The following WASF3 variants were observed in gnomAD, a reference collection of about 807,000 sequenced individuals.
WASF3 encodes the protein WASP family member 3.
Under a neutral mutation model 46.6 loss-of-function variants are expected in WASF3, and 11 were observed. The observed-to-expected ratio is 0.24, with a 90% CI of 0.15 to 0.39. WASF3 has a LOEUF of 0.39. Among genes scored for constraint, WASF3 ranks in the 10% least tolerant of loss-of-function variants. WASF3 has a pLI of 1.00. For synonymous variants in WASF3, 242 were observed against 259.7 expected (o/e 0.93, Z 0.65); for missense variants, 576 against 669.8 (o/e 0.86, Z 1.55).
intron 1 of WASF3, among the ~76,000 whole-genome samples, chr13:26,601,797 A>G (rs1327867286): frequency 1.3e-5 from 2 of 152,200 alleles, no homozygotes; most frequent in African/African-American, 4.8e-5. Flanking sequence ...GAGTTTTGTC[A>G]TTTGGAGACA....
intron 1 of WASF3, among the ~76,000 whole-genome samples, chr13:26,574,403 T>C (rs1212657580): frequency 6.6e-5 from 10 of 152,196 alleles, no homozygotes; most frequent in Non-Finnish European, 1.5e-4. Flanking sequence ...GTATTCTGCA[T>C]TGTGAAATTA....
intron 3 of WASF3, among the ~76,000 whole-genome samples, chr13:26,654,294 C>T (rs1450149185): frequency 6.6e-6 from 1 of 152,196 alleles, no homozygotes; most frequent in Non-Finnish European, 1.5e-5. Flanking sequence ...CTGGAAGGTT[C>T]TTTCCCTAGA....
Position 26,665,047 on chromosome 13 carries a change from A to G in WASF3, c.153A>G (p.Ile51Met). The part of the protein sequence containing the change: ...LSSLSKHAED[I>M]FGELFNEANN... ...CTACAGGCAAACATGCTGAAGACAT[A>G]TTTGGTGAGTTGTTTAATGAGGCTA... The change falls in exon 4 of 10, where the codon ATA becomes ATG. Residue 51 changes from isoleucine (I) to methionine (M), a missense_variant. Transcript: ENST00000335327. 6.2e-7 allele frequency: 1 copy of G among 1,614,102 alleles called. No individual in the cohort carries two copies. Among genetic ancestry groups the G allele is most frequent in the Non-Finnish European group, 8.5e-7 (1 of 1,179,972 alleles).
At position 26,612,328 on chromosome 13, in the gene WASF3, C is replaced by T. The variant is rs532247296; in HGVS notation, c.-108-633C>T. Among the ~76,000 whole-genome samples, 45 of 152,306 alleles carry T rather than the reference C, an allele frequency of 3.0e-4. No individual in the cohort carries two copies. In the South Asian group the frequency reaches 7.9e-3, roughly 27 times the overall value. On this transcript the variant is annotated intron_variant, in intron 1 of 9. Transcript: ENST00000335327. ...GTAGACCATAATTCTGAGTAGGAAA[C>T]CATGTCATGCTTCTTGTTACCTCAT...
intron 3 of WASF3, among the ~76,000 whole-genome samples, chr13:26,659,069 A>G (rs1213667139): frequency 1.3e-5 from 2 of 152,210 alleles, no homozygotes; most frequent in African/African-American, 4.8e-5. Flanking sequence ...ATAATTTATT[A>G]CTTGGTGATT....
intron 1 of WASF3, among the ~76,000 whole-genome samples, chr13:26,562,910 C>CTCTTT (rs1178501033): frequency 6.2e-4 from 49 of 78,504 alleles, no homozygotes; most frequent in African/African-American, 1.6e-3. Flanking sequence ...CTTTTCTTTT[C>CTCTTT]TCTTTTCTTT....
At chr13:26,626,254 T>C (rs77262252) in intron 2 of WASF3, 2,687 of 152,406 alleles carry the variant, frequency 0.018, 28 homozygotes, top group Non-Finnish European at 0.028. Context: ...GTTAGGAGAA[T>C]TCTGGCTGAC....
rs868262575 is a variant in WASF3 at position 26,559,819 on chromosome 13, T to C, written c.-109+2000T>C. Among the ~76,000 whole-genome samples, 801 of 112,684 alleles carry C rather than the reference T, an allele frequency of 7.1e-3. 15 individuals are homozygous for C. Among genetic ancestry groups the C allele is most frequent in the African/African-American group, 0.022 (670 of 30,546 alleles). The allele number at this position is 112,684 out of a possible 152,430, so 73.9% of individuals were successfully genotyped here. A position where few individuals can be genotyped will look rare whatever the true frequency, so the allele number is the denominator to read the frequency against. On this transcript the variant is annotated intron_variant, in intron 1 of 9. Coordinates refer to ENST00000335327, the MANE Select transcript of WASF3 (RefSeq NM_006646.6). The stretch of plus-strand genomic sequence containing the variant: ...TTCTTTCTTTCTTTCTTTTTTTTTT[T>C]TTTTTTTTTTTTTTTGAGACGGAGT...
At chr13:26,555,463 C>T (rs890545200), upstream of WASF3, among the ~76,000 whole-genome samples, 2 of 152,094 alleles carry the variant, frequency 1.3e-5, no homozygotes, top group Non-Finnish European at 2.9e-5. Context: ...ATTTCAGACT[C>T]CTTTGCAGCT....
Position 26,682,716 on chromosome 13 carries a change from A to T in WASF3, c.1093A>T (p.Met365Leu). The T allele has an allele frequency of 2.5e-6, 4 of 1,613,836 alleles. No homozygotes were observed. Among genetic ancestry groups the T allele is most frequent in the Admixed American group, 3.3e-5 (2 of 59,994 alleles). Residue 365 changes from methionine to leucine, a missense_variant, in exon 9 of 10, where the codon ATG (methionine) becomes TTG (leucine). Coordinates refer to ENST00000335327, the MANE Select transcript of WASF3 (RefSeq NM_006646.6). This position sits in a 1 kb window ranked among gnomAD's most constrained non-coding sequence, Gnocchi z 4.4. ...AQTAFVSPLQ[M>L]PMQPPFPASA... ...AACTGCCTTCGTCAGCCCTCTCCAGATGCCCATGCAGCCCCCGTTCCCTGC... is the reference window on the plus strand; with the variant it reads ...AACTGCCTTCGTCAGCCCTCTCCAGTTGCCCATGCAGCCCCCGTTCCCTGC...
chr13:26,680,868 C>T (rs565117230), intron 7 of WASF3, among the ~76,000 whole-genome samples, 186 bp from the exon 8 acceptor site: 14 of 152,192 alleles, frequency 9.2e-5, no homozygotes, highest in East Asian at 5.8e-4. Context: ...GGCTTGCTGC[C>T]GACTTATAAT....
At chr13:26,664,924 A>T in intron 3 of WASF3, 104 bp from the exon 4 acceptor site, 1 of 1,244,022 alleles carries the variant, frequency 8.0e-7, no homozygotes, top group Non-Finnish European at 1.1e-6. Flanking sequence ...ACTCGTTTGC[A>T]CAAAATCCCA....
At chr13:26,683,928 T>G (rs1465713799) in intron 9 of WASF3, among the ~76,000 whole-genome samples, 2 of 152,190 alleles carry the variant, frequency 1.3e-5, no homozygotes, top group Non-Finnish European at 2.9e-5. Flanking sequence ...TGACATGTTA[T>G]GGGAATATCC....
At chr13:26,674,120 T>C (rs1460492778) in intron 6 of WASF3, among the ~76,000 whole-genome samples, 1 of 152,164 alleles carries the variant, frequency 6.6e-6, no homozygotes, top group African/African-American at 2.4e-5. Context: ...GATTCATCAC[T>C]GTTCATATTC....
chr13:26,567,970 A>G (rs1273510849), intron 1 of WASF3, among the ~76,000 whole-genome samples: 1 of 152,026 alleles, frequency 6.6e-6, no homozygotes, highest in African/African-American at 2.4e-5. Flanking sequence ...AGCTAGGCAA[A>G]TATTTTGGGA....
chr13:26,621,514 G>C (rs191924915), intron 2 of WASF3, among the ~76,000 whole-genome samples: 1 of 152,150 alleles, frequency 6.6e-6, no homozygotes, highest in Non-Finnish European at 1.5e-5. Context: ...GCACAGAGTC[G>C]TGTAGTGTTA....
intron 2 of WASF3, among the ~76,000 whole-genome samples, chr13:26,629,984 T>A (rs1214912225): frequency 6.6e-6 from 1 of 152,136 alleles, no homozygotes; most frequent in Non-Finnish European, 1.5e-5. Context: ...CCTTATTTTT[T>A]AAATTTTTCT....
chr13:26,668,492 T>A (rs1882836252), intron 5 of WASF3, among the ~76,000 whole-genome samples: 1 of 152,228 alleles, frequency 6.6e-6, no homozygotes, highest in African/African-American at 2.4e-5. Context: ...CTCTGGTGAT[T>A]CTCCTGTGAG....
At chr13:26,577,199 C>A in intron 1 of WASF3, 1 of 744,134 alleles carries the variant, frequency 1.3e-6, no homozygotes, top group Non-Finnish European at 2.5e-6. Flanking sequence ...TGGATCTTAC[C>A]TGTGACAAAA....
Sources: gnomAD v4.1 joint callset for allele counts (sites outside exome capture counted in the v4.1 genomes callset) on GRCh38, gnomAD v4.1.1 for gene constraint, Gnocchi (gnomAD v3.1) non-coding constraint, MANE v1.5 for transcripts, NCBI Gene and HGNC (gene_info 2026-07-23, HGNC 2026-07-21) for gene names.